The following ULK4 variants were observed in gnomAD, a reference collection of about 807,000 sequenced individuals.
ULK4 encodes the protein unc-51 like kinase 4.
ULK4 carries 133 observed loss-of-function variants against 160.6 expected under a neutral mutation model. The ratio of observed to expected loss-of-function variants is 0.83; its 90% confidence interval spans 0.72 to 0.96. ULK4 has a LOEUF of 0.96. Among genes scored for constraint, ULK4 ranks in the 40% least tolerant of loss-of-function variants. The probability of loss-of-function intolerance (pLI) is 0.00; values close to 1 mark genes in which losing one functional copy is unlikely to be tolerated. For synonymous variants in ULK4, 534 were observed against 539.8 expected (o/e 0.99, Z 0.15); for missense variants, 1,580 against 1,499.5 (o/e 1.05, Z -0.89).
intron 31 of ULK4, among the ~76,000 whole-genome samples, chr3:41,573,539 G>C (rs1466545208): frequency 6.6e-6 from 1 of 152,068 alleles, no homozygotes; most frequent in Non-Finnish European, 1.5e-5. Flanking sequence ...CTTTGGTTCA[G>C]GCCAGAATTT....
At chr3:41,937,263 A>G (rs1008203766) in intron 3 of ULK4, 7 of 647,078 alleles carry the variant, frequency 1.1e-5, no homozygotes, top group Admixed American at 2.4e-5. Flanking sequence ...AGCTGAAGCA[A>G]AAAACTAATT....
intron 32 of ULK4, among the ~76,000 whole-genome samples, chr3:41,526,439 G>A (rs2086119515): frequency 6.6e-6 from 1 of 152,202 alleles, no homozygotes; most frequent in Non-Finnish European, 1.5e-5. Context: ...ATAAGGTCCT[G>A]TCTAGTTCTG....
chr3:41,673,508 T>C (rs1042523757), intron 29 of ULK4, among the ~76,000 whole-genome samples: 1 of 152,130 alleles, frequency 6.6e-6, no homozygotes, highest in Non-Finnish European at 1.5e-5. Flanking sequence ...TAATAATTTA[T>C]GAAGTTATTA....
intron 35 of ULK4, among the ~76,000 whole-genome samples, chr3:41,307,325 A>G (rs72863453): frequency 0.085 from 12,972 of 152,170 alleles, 1,415 homozygotes; most frequent in African/African-American, 0.25. Context: ...TGGATGAGAA[A>G]GATTTAGATA....
intron 22 of ULK4, among the ~76,000 whole-genome samples, chr3:41,748,929 G>A (rs2038517693): frequency 6.6e-6 from 1 of 152,126 alleles, no homozygotes. Context: ...TCTGGGGATG[G>A]TGGTGGTTGG....
At chr3:41,648,848 A>G (rs996249411) in intron 30 of ULK4, among the ~76,000 whole-genome samples, 8 of 152,126 alleles carry the variant, frequency 5.3e-5, no homozygotes, top group Non-Finnish European at 1.2e-4. Flanking sequence ...AAAAGCCAGA[A>G]GTAGGCTAGG....
Position 41,519,669 on chromosome 3 carries a change from G to A in ULK4, c.3226+46356C>T, listed in dbSNP as rs149277092. ...TAAACATAAGACACAGTGCGCACAC[G>A]AATAAAAGAAACACTGTGTACATTT... On this transcript the variant is annotated intron_variant, in intron 32 of 36. Transcript: ENST00000301831. 3.5e-3 allele frequency among the ~76,000 whole-genome samples: 534 copies of A among 152,216 alleles called. 1 individual carries two copies. The highest frequency in any genetic ancestry group is 0.024 in the Middle Eastern group (7 of 294).
intron 17 of ULK4, among the ~76,000 whole-genome samples, chr3:41,848,660 C>T (rs2042128407): frequency 6.6e-6 from 1 of 152,166 alleles, no homozygotes; most frequent in Non-Finnish European, 1.5e-5. Flanking sequence ...GAACAGCTGA[C>T]GTTCACTTTT....
At chr3:41,867,359 A>C (rs1256829113) in intron 17 of ULK4, among the ~76,000 whole-genome samples, 2 of 152,134 alleles carry the variant, frequency 1.3e-5, no homozygotes, top group Non-Finnish European at 2.9e-5. Context: ...GAAACTTTGG[A>C]GGTGGGGTCT....
chr3:41,370,963 G>T (rs757295011), intron 35 of ULK4, among the ~76,000 whole-genome samples: 2 of 152,126 alleles, frequency 1.3e-5, no homozygotes, highest in African/African-American at 2.4e-5. Flanking sequence ...GTGGGGGGAG[G>T]GGCGTACACC....
intron 35 of ULK4, among the ~76,000 whole-genome samples, chr3:41,255,501 G>A (rs2078817791): frequency 6.6e-6 from 1 of 151,956 alleles, no homozygotes; most frequent in Non-Finnish European, 1.5e-5. Context: ...AAATAAATAA[G>A]GGCACCAAAC....
chr3:41,468,769 C>G (rs193181911), intron 32 of ULK4, among the ~76,000 whole-genome samples: 2 of 152,266 alleles, frequency 1.3e-5, no homozygotes, highest in Middle Eastern at 3.4e-3. Context: ...GGGAAGAGAA[C>G]CAGAGGTGGA....
chr3:41,551,094 T>C (rs966707366), intron 32 of ULK4, among the ~76,000 whole-genome samples: 2 of 151,048 alleles, frequency 1.3e-5, no homozygotes, highest in Admixed American at 6.6e-5. Flanking sequence ...CAAATGATAA[T>C]TGAAATACAA....
chr3:41,915,773 TGAGA>T (rs1698945923), intron 8 of ULK4, among the ~76,000 whole-genome samples, 200 bp downstream of exon 8: 1 of 152,022 alleles, frequency 6.6e-6, no homozygotes, highest in Non-Finnish European at 1.5e-5. Context: ...ACCTGCAAAC[TGAGA>T]GAAAAACTTT....
intron 34 of ULK4, among the ~76,000 whole-genome samples, chr3:41,444,774 T>C (rs2083258055): frequency 6.6e-6 from 1 of 152,116 alleles, no homozygotes; most frequent in African/African-American, 2.4e-5. Context: ...AGTCAGGAGT[T>C]TGAGATCAAC....
chr3:41,444,406 C>G (rs1299356561), intron 34 of ULK4, among the ~76,000 whole-genome samples: 4 of 147,336 alleles, frequency 2.7e-5, no homozygotes, highest in African/African-American at 8.0e-5. Context: ...TATATATAAT[C>G]TCCTTACAGA....
intron 18 of ULK4, among the ~76,000 whole-genome samples, chr3:41,822,151 T>TCAAGAC (rs1339464224): frequency 6.6e-6 from 1 of 152,124 alleles, no homozygotes; most frequent in Non-Finnish European, 1.5e-5. Context: ...GCTCTTCGGA[T>TCAAGAC]CAAGACCAAG....
chr3:41,317,847 C>T (rs1366491791), intron 35 of ULK4, among the ~76,000 whole-genome samples: 1 of 152,188 alleles, frequency 6.6e-6, no homozygotes, highest in Non-Finnish European at 1.5e-5. Flanking sequence ...GAATACCTTC[C>T]AGTGATTACA....
intron 32 of ULK4, among the ~76,000 whole-genome samples, chr3:41,510,871 A>G (rs2085548090): frequency 6.6e-6 from 1 of 152,202 alleles, no homozygotes; most frequent in African/African-American, 2.4e-5. Flanking sequence ...GCCTACATCA[A>G]AAAGTCTGGG....
Sources: allele counts gnomAD v4.1 joint callset (sites outside exome capture counted in the v4.1 genomes callset), GRCh38; gene constraint gnomAD v4.1.1; transcripts MANE v1.5; gene names NCBI Gene and HGNC (gene_info 2026-07-23, HGNC 2026-07-21).